Variants in CTNND2 observed in about 807,000 individuals in gnomAD.
CTNND2 encodes the protein catenin delta-2.
A neutral mutation model predicts 144.4 loss-of-function variants in CTNND2; 22 were observed. That is an observed-to-expected ratio of 0.15 (90% CI 0.11 to 0.22). CTNND2 has a LOEUF of 0.22. CTNND2 is among the 10% of genes least tolerant of loss of function. The pLI is 1.00. For synonymous variants in CTNND2, 751 were observed against 695.6 expected, an observed-to-expected ratio of 1.08 and a Z score of -1.25; for missense variants, 1,353 against 1,618.8, an observed-to-expected ratio of 0.84 and a Z score of 2.82.
rs1453856483 is a variant in CTNND2, at chr5:11,427,696, GA to G, written c.288-15628del. On this transcript the variant is annotated intron_variant, in intron 3 of 21. Coordinates refer to ENST00000304623, the MANE Select transcript of CTNND2 (RefSeq NM_001332.4). ...GTGATGATTCAATAATAAGGTACATGAAGGTCCCAGGCACACATAGGATATC... is the reference window on the plus strand; with the variant it reads ...GTGATGATTCAATAATAAGGTACATGAGGTCCCAGGCACACATAGGATATC... Among the ~76,000 whole-genome samples, 4 of 152,204 alleles carry G rather than the reference GA, an allele frequency of 2.6e-5. No individual in the cohort carries two copies. In the East Asian group the frequency reaches 7.7e-4, roughly 29 times the overall value.
chr5:11,315,125 C>T (rs569647605), intron 9 of CTNND2, among the ~76,000 whole-genome samples: 3 of 152,054 alleles, frequency 2.0e-5, no homozygotes, highest in South Asian at 4.2e-4. Flanking sequence ...AACAGGAAAC[C>T]CTAGTAGCAG....
chr5:11,065,361 C>T (rs527965062), intron 16 of CTNND2, among the ~76,000 whole-genome samples: 6 of 152,364 alleles, frequency 3.9e-5, no homozygotes, highest in Admixed American at 1.3e-4. Context: ...CTGCTTGATC[C>T]AGTAGCACAG....
intron 12 of CTNND2, among the ~76,000 whole-genome samples, chr5:11,141,405 C>T (rs768900963): frequency 7.2e-5 from 11 of 151,784 alleles, no homozygotes; most frequent in Non-Finnish European, 1.3e-4. Flanking sequence ...TTCTATGTGG[C>T]CAGAGTACCC....
chr5:11,365,975 AT>A (rs1756945643), intron 7 of CTNND2, among the ~76,000 whole-genome samples: 1 of 152,134 alleles, frequency 6.6e-6, no homozygotes, highest in African/African-American at 2.4e-5. Flanking sequence ...CCTACAACTA[AT>A]CCCCACATGG....
At chr5:11,338,706 G>A (rs6876265) in intron 9 of CTNND2, among the ~76,000 whole-genome samples, 58,671 of 151,944 alleles carry the variant, frequency 0.39, 11,691 homozygotes, top group Middle Eastern at 0.5. Context: ...TTAGAAATGA[G>A]TTGTTATTTT....
chr5:11,251,571 C>T (rs905186110), intron 9 of CTNND2, among the ~76,000 whole-genome samples: 1 of 152,184 alleles, frequency 6.6e-6, no homozygotes, highest in Non-Finnish European at 1.5e-5. Flanking sequence ...TAAAATATCC[C>T]TCGGAATCCC....
At chr5:11,624,449 A>G (rs2126441794) in intron 2 of CTNND2, among the ~76,000 whole-genome samples, 1 of 152,248 alleles carries the variant, frequency 6.6e-6, no homozygotes, top group East Asian at 1.9e-4. Context: ...TTTACAAAAG[A>G]GCGCACAGAA....
chr5:11,636,729 A>T (rs1394464737), intron 2 of CTNND2, among the ~76,000 whole-genome samples: 1 of 152,220 alleles, frequency 6.6e-6, no homozygotes, highest in Non-Finnish European at 1.5e-5. Flanking sequence ...CTTGGCAGCC[A>T]GCTGAAGTGC....
chr5:11,859,701 C>T (rs986713742), intron 1 of CTNND2, among the ~76,000 whole-genome samples: 4 of 152,208 alleles, frequency 2.6e-5, no homozygotes, highest in African/African-American at 9.6e-5. Context: ...ACAAACCTCA[C>T]ACAACATTAG....
chr5:11,530,688 G>C (rs1302902465), intron 3 of CTNND2, among the ~76,000 whole-genome samples: 2 of 152,082 alleles, frequency 1.3e-5, no homozygotes, highest in African/African-American at 4.8e-5. Context: ...ACATAAGAGG[G>C]GCAGAGCCTT....
At chr5:11,357,880 A>C (rs1401306194) in intron 8 of CTNND2, among the ~76,000 whole-genome samples, 1 of 152,130 alleles carries the variant, frequency 6.6e-6, no homozygotes, top group Non-Finnish European at 1.5e-5. Context: ...AGCTTTTTCT[A>C]TTATAATTTT....
rs138524440 is a variant in CTNND2, at chr5:11,876,762, C to A, written c.37+27055G>T. Among the ~76,000 whole-genome samples the A allele has an allele frequency of 8.9e-3, 1,349 of 152,260 alleles. 17 individuals are homozygous for A. The highest frequency in any genetic ancestry group is 0.031 in the African/African-American group (1,290 of 41,556). ...TTTATACATTAGGCGCTTTAATTGG[C>A]ATTGAGTTATAAACAATTTCTAAAT... On this transcript the variant is annotated intron_variant, in intron 1 of 21. Transcript: ENST00000304623.
chr5:11,706,009 C>T (rs1050088358), intron 2 of CTNND2, among the ~76,000 whole-genome samples: 1 of 152,168 alleles, frequency 6.6e-6, no homozygotes, highest in Non-Finnish European at 1.5e-5. Context: ...TATGAGTAAC[C>T]TTTAAGGACC....
intron 9 of CTNND2, among the ~76,000 whole-genome samples, chr5:11,275,024 G>C (rs1178511458): frequency 1.3e-5 from 2 of 152,156 alleles, no homozygotes; most frequent in African/African-American, 4.8e-5. Context: ...AGAGTTGGTA[G>C]GAAGCTGGAG....
intron 1 of CTNND2, among the ~76,000 whole-genome samples, chr5:11,863,372 C>T (rs1437072895): frequency 6.6e-6 from 1 of 152,042 alleles, no homozygotes. Flanking sequence ...AATTATGGGG[C>T]CAGATATATC....
chr5:11,430,629 C>T (rs993999037), intron 3 of CTNND2, among the ~76,000 whole-genome samples: 2 of 152,130 alleles, frequency 1.3e-5, no homozygotes, highest in Non-Finnish European at 1.5e-5. Flanking sequence ...ATTTAGTAAA[C>T]GTATGAAAAC....
intron 11 of CTNND2, among the ~76,000 whole-genome samples, chr5:11,172,571 T>C (rs149594348): frequency 4.4e-3 from 669 of 152,178 alleles, no homozygotes; most frequent in Non-Finnish European, 6.3e-3. Context: ...GGGAAGACAA[T>C]GATAGGAAAA....
chr5:11,813,411 A>AT (rs547386207), intron 1 of CTNND2, among the ~76,000 whole-genome samples: 138 of 152,274 alleles, frequency 9.1e-4, no homozygotes, highest in African/African-American at 3.1e-3. Context: ...GAATCTTGGA[A>AT]TGTTTTCACA....
chr5:11,192,465 A>G (rs773629382), intron 11 of CTNND2, among the ~76,000 whole-genome samples: 16 of 152,170 alleles, frequency 1.1e-4, no homozygotes, highest in Non-Finnish European at 2.1e-4. Context: ...GGATGAAGGT[A>G]AAGAATCTAA....
Sources: gnomAD v4.1 joint callset for allele counts (sites outside exome capture counted in the v4.1 genomes callset) on GRCh38, gnomAD v4.1.1 for gene constraint, MANE v1.5 for transcripts, NCBI Gene and HGNC (gene_info 2026-07-23, HGNC 2026-07-21) for gene names.